The following ASAP3 variants were observed in gnomAD, a reference collection of about 807,000 sequenced individuals.
ASAP3 encodes arf-GAP with SH3 domain, ANK repeat and PH domain-containing protein 3.
A neutral mutation model predicts 118.2 loss-of-function variants in ASAP3; 85 were observed. The observed-to-expected ratio is 0.72, with a 90% CI of 0.60 to 0.86. The LOEUF (loss-of-function observed/expected upper bound fraction) is 0.86, where lower values mean the gene tolerates loss of function less well. ASAP3 is among the 40% of genes least tolerant of loss of function. The pLI is 0.00. For synonymous variants in ASAP3, 432 were observed against 477.4 expected (o/e 0.90, Z 1.24); for missense variants, 1,026 against 1,175.0 (o/e 0.87, Z 1.85).
At chr1:23,465,808 T>TA (rs1641749940) in intron 1 of ASAP3, among the ~76,000 whole-genome samples, 1 of 152,124 alleles carries the variant, frequency 6.6e-6, no homozygotes, top group Non-Finnish European at 1.5e-5. Flanking sequence ...GGCCCAGAGT[T>TA]ACAATTTAAA....
intron 1 of ASAP3, among the ~76,000 whole-genome samples, chr1:23,478,958 G>C (rs1333175003): frequency 1.3e-5 from 2 of 152,098 alleles, no homozygotes; most frequent in Non-Finnish European, 2.9e-5. Context: ...GGATTTTCCA[G>C]GCCCTGCCCC....
chr1:23,473,974 C>CTTTTTTTTT lies in ASAP3; in HGVS notation c.129+10022_129+10030dup, dbSNP rs10664798. Among the ~76,000 whole-genome samples, 512 of 72,080 alleles carry CTTTTTTTTT rather than the reference C, an allele frequency of 7.1e-3. 75 individuals are homozygous for CTTTTTTTTT. The highest frequency in any genetic ancestry group is 0.027 in the African/African-American group (393 of 14,696). 47.3% of individuals were successfully genotyped at this position (72,080 alleles called of 152,430 possible). A position where few individuals can be genotyped will look rare whatever the true frequency, so the allele number is the denominator to read the frequency against. ...AGGCGAAAATGGCATTAAATCTGCT[C>CTTTTTTTTT]TTTTTTTTTTTTTTTTTTTTTTTTG... On this transcript the variant is annotated intron_variant, in intron 1 of 24. Transcript: ENST00000336689.
intron 1 of ASAP3, among the ~76,000 whole-genome samples, chr1:23,459,157 C>A (rs1443109773): frequency 8.9e-6 from 1 of 111,882 alleles, no homozygotes; most frequent in East Asian, 2.5e-4. Context: ...ACAATGGGAG[C>A]GAGACTCCAT....
intron 5 of ASAP3, among the ~76,000 whole-genome samples, chr1:23,444,068 C>CA (rs895595052): frequency 1.3e-5 from 2 of 152,082 alleles, no homozygotes; most frequent in African/African-American, 4.8e-5. Flanking sequence ...GGAGTTTCAC[C>CA]ATGTTGGCCA....
intron 1 of ASAP3, among the ~76,000 whole-genome samples, chr1:23,462,214 C>G (rs988412447): frequency 1.7e-4 from 25 of 151,500 alleles, no homozygotes; most frequent in African/African-American, 5.6e-4. Flanking sequence ...TTAGTAGAGA[C>G]GGGGTTTCAC....
intron 3 of ASAP3, among the ~76,000 whole-genome samples, chr1:23,453,552 C>T (rs776348876): frequency 1.8e-4 from 27 of 152,218 alleles, no homozygotes; most frequent in South Asian, 1.2e-3. Flanking sequence ...AAGCCAGCTG[C>T]GCCCCTGGAC....
chr1:23,430,490 A>T lies in ASAP3; in HGVS notation c.2637+545T>A, dbSNP rs576510921. 4.6e-5 allele frequency among the ~76,000 whole-genome samples: 7 copies of T among 152,362 alleles called. No individual in the cohort carries two copies. The East Asian group carries it at 1.3e-3, about 29-fold the overall frequency. On this transcript the variant is annotated intron_variant, in intron 24 of 24. Transcript: ENST00000336689. Reference sequence around the variant, plus strand: ...ACAGCTCTTGCCCTGTCCCTGTCACATCCCTCTATGCCTGGGATCTGAAAG... The same window carrying T: ...ACAGCTCTTGCCCTGTCCCTGTCACTTCCCTCTATGCCTGGGATCTGAAAG...
chr1:23,434,310 T>G lies in ASAP3; in HGVS notation c.1895A>C (p.Tyr632Ser), dbSNP rs745515586. 34 of 1,613,974 alleles carry G rather than the reference T, an allele frequency of 2.1e-5. No homozygotes were observed. The East Asian group carries it at 3.1e-4, about 15-fold the overall frequency. The change falls in exon 19 of 25, where the codon TAC becomes TCC. Residue 632 changes from tyrosine (Y) to serine (S), a missense_variant. Tyr to Ser is a moderately radical substitution (Grantham distance 144). Transcript: ENST00000336689. ...GNTALHYAAL[Y>S]NQPDCLKLLL... ...CAGCTTGAGGCAGTCGGGCTGGTTG[T>G]AGAGTGCTGCGTAGTGCAGAGCCGT...
intron 3 of ASAP3, among the ~76,000 whole-genome samples, chr1:23,454,775 A>G (rs1342232337): frequency 3.3e-5 from 5 of 152,208 alleles, no homozygotes; most frequent in Non-Finnish European, 7.3e-5. Context: ...CGCTTACCAT[A>G]AAGTAGGCAC....
Position 23,452,782 on chromosome 1 carries a change from C to G in ASAP3, c.349-11G>C, listed in dbSNP as rs1386073392. On this transcript the variant is annotated splice_polypyrimidine_tract_variant and intron_variant, in intron 3 of 24. Transcript: ENST00000336689. ...GTTCAAGTTCTGAATCTGGAAAAAACAGAGACGCTCATTCCCGCCTCAGGT... is the reference window on the plus strand; with the variant it reads ...GTTCAAGTTCTGAATCTGGAAAAAAGAGAGACGCTCATTCCCGCCTCAGGT... 8 of 1,613,660 alleles carry G rather than the reference C, an allele frequency of 5.0e-6. No homozygotes were observed. The Admixed American group carries it at 6.7e-5, about 13-fold the overall frequency.
intron 1 of ASAP3, among the ~76,000 whole-genome samples, chr1:23,457,428 G>A (rs1006209267): frequency 6.6e-6 from 1 of 152,236 alleles, no homozygotes; most frequent in Non-Finnish European, 1.5e-5. Context: ...TGTTCTCAGA[G>A]GCCGGTGGCA....
chr1:23,469,675 G>A (rs924606640), intron 1 of ASAP3, among the ~76,000 whole-genome samples: 34 of 152,248 alleles, frequency 2.2e-4, no homozygotes, highest in African/African-American at 7.9e-4. Context: ...CCCACTAACT[G>A]ACTGCTCACT....
At chr1:23,449,933 G>A (rs1267504081) in intron 5 of ASAP3, among the ~76,000 whole-genome samples, 3 of 152,212 alleles carry the variant, frequency 2.0e-5, no homozygotes, top group Non-Finnish European at 2.9e-5. Context: ...AGGTAACTCA[G>A]GAAGAAGAGG....
Position 23,438,178 on chromosome 1 carries a change from G to A in ASAP3, c.1102+569C>T, listed in dbSNP as rs1640743424. On this transcript the variant is annotated intron_variant, in intron 12 of 24. Coordinates refer to ENST00000336689, the MANE Select transcript of ASAP3 (RefSeq NM_017707.4). This position sits in a 1 kb window ranked among gnomAD's most constrained non-coding sequence, Gnocchi z 4.9. ...TAAACTCAAATACTGTCTCCTCCAG[G>A]AGCCTTTCCTGATTCCCCACAGCAG... is the stretch of plus-strand genomic sequence containing the variant. 6.6e-6 allele frequency among the ~76,000 whole-genome samples: 1 copy of A among 152,030 alleles called. No homozygotes were observed.
rs4648904 is a variant in ASAP3 at position 23,466,156 on chromosome 1, G to A, written c.130-9962C>T. 3.8e-3 allele frequency among the ~76,000 whole-genome samples: 582 copies of A among 152,322 alleles called. 22 individuals carry two copies. In the East Asian group the frequency reaches 0.05, roughly 13 times the overall value. On this transcript the variant is annotated intron_variant, in intron 1 of 24. Coordinates refer to ENST00000336689, the MANE Select transcript of ASAP3 (RefSeq NM_017707.4). ...AGGACTGAGAGGTGGAAGTTAGGGA[G>A]GCAGAAACAGACTTCAGCTCAAACA...
Position 23,437,571 on chromosome 1 carries a change from G to A in ASAP3, c.1103-99C>T. 2.7e-6 allele frequency: 4 copies of A among 1,456,716 alleles called. No individual in the cohort carries two copies. The South Asian group carries it at 3.7e-5, about 13-fold the overall frequency. 90.2% of individuals were successfully genotyped at this position (1,456,716 alleles called of 1,614,324 possible). On this transcript the variant is annotated intron_variant, in intron 12 of 24. Coordinates refer to ENST00000336689, the MANE Select transcript of ASAP3 (RefSeq NM_017707.4). The surrounding 1 kb of genome is among the most constrained non-coding windows in gnomAD (Gnocchi z 6.1). The stretch of plus-strand genomic sequence containing the variant: ...AAAGCCGCTGGGGCCACATGGAGAT[G>A]TGTCCCTGACAAGTCGGACTCTCAA...
chr1:23,436,822 C>A lies in ASAP3; in HGVS notation c.1476+89G>T, dbSNP rs577784339. On this transcript the variant is annotated intron_variant, in intron 15 of 24. Coordinates refer to ENST00000336689, the MANE Select transcript of ASAP3 (RefSeq NM_017707.4). This position sits in a 1 kb window ranked among gnomAD's most constrained non-coding sequence, Gnocchi z 4.2. ...TTGTCCCAGCCCACCTCGGCCAGGT[C>A]CCACCCACAACCTGCAAGCCCCGCC... 2.0e-6 allele frequency: 3 copies of A among 1,471,034 alleles called. No individual in the cohort carries two copies. The highest frequency in any genetic ancestry group is 2.6e-5 in the East Asian group (1 of 37,766). The allele number at this position is 1,471,034 out of a possible 1,614,324, so 91.1% of individuals were successfully genotyped here.
chr1:23,437,388 C>A lies in ASAP3; in HGVS notation c.1151+36G>T. On this transcript the variant is annotated intron_variant, in intron 13 of 24. Transcript: ENST00000336689. This position sits in a 1 kb window ranked among gnomAD's most constrained non-coding sequence, Gnocchi z 6.1. ...AGAGATAGGGCCGCCGGCCCCCACC[C>A]ACAAGGCTGGCCGGGCTGGCCGAGG... The A allele has an allele frequency of 6.2e-7, 1 of 1,612,384 alleles. No homozygotes were observed. The highest frequency in any genetic ancestry group is 8.5e-7 in the Non-Finnish European group (1 of 1,179,094).
intron 5 of ASAP3, among the ~76,000 whole-genome samples, chr1:23,442,962 G>T (rs1439184203): frequency 5.9e-5 from 9 of 152,234 alleles, no homozygotes; most frequent in Non-Finnish European, 8.8e-5. Flanking sequence ...CCCCAAGGCA[G>T]GAGCGAGTGC....
Sources: allele counts gnomAD v4.1 joint callset (sites outside exome capture counted in the v4.1 genomes callset), GRCh38; gene constraint gnomAD v4.1.1; non-coding constraint Gnocchi (gnomAD v3.1); transcripts MANE v1.5; gene names NCBI Gene and HGNC (gene_info 2026-07-23, HGNC 2026-07-21).